Variants in ATRNL1 observed in about 807,000 individuals in gnomAD.
ATRNL1 encodes the protein attractin like 1.
A neutral mutation model predicts 182.7 loss-of-function variants in ATRNL1; 95 were observed. The observed-to-expected ratio is 0.52, with a 90% CI of 0.44 to 0.62. The LOEUF (loss-of-function observed/expected upper bound fraction) is 0.62, where lower values mean the gene tolerates loss of function less well. Ranked by LOEUF, ATRNL1 falls within the 20% of genes least tolerant of loss-of-function variation. ATRNL1 has a pLI of 0.00. For synonymous variants in ATRNL1, 576 were observed against 568.3 expected (o/e 1.01, Z -0.19); for missense variants, 1,471 against 1,679.5 (o/e 0.88, Z 2.17).
intron 19 of ATRNL1, among the ~76,000 whole-genome samples, chr10:115,338,366 G>A (rs372374417): frequency 2.6e-4 from 39 of 152,148 alleles, no homozygotes; most frequent in African/African-American, 8.4e-4. Flanking sequence ...TGTGTACAAG[G>A]GTTCTGTTTT....
intron 8 of ATRNL1, among the ~76,000 whole-genome samples, chr10:115,189,034 C>G (rs1398185284): frequency 6.6e-6 from 1 of 152,008 alleles, no homozygotes; most frequent in Non-Finnish European, 1.5e-5. Flanking sequence ...TACAGTTATG[C>G]CATGCACAAT....
intron 25 of ATRNL1, among the ~76,000 whole-genome samples, chr10:115,525,015 C>T (rs782539404): frequency 2.6e-5 from 4 of 152,078 alleles, no homozygotes; most frequent in Non-Finnish European, 5.9e-5. Context: ...TTTCAGGGAT[C>T]ATTTTACCCA....
At chr10:115,773,860 C>T (rs1264763843) in intron 27 of ATRNL1, among the ~76,000 whole-genome samples, 1 of 152,138 alleles carries the variant, frequency 6.6e-6, no homozygotes, top group African/African-American at 2.4e-5. Context: ...GGAGGCTTTG[C>T]AAATCACTAA....
intron 20 of ATRNL1, among the ~76,000 whole-genome samples, chr10:115,402,564 A>G (rs2134307549): frequency 6.6e-6 from 1 of 152,326 alleles, no homozygotes; most frequent in African/African-American, 2.4e-5. Context: ...AAAAGTACAT[A>G]TAAATGGCAC....
intron 27 of ATRNL1, among the ~76,000 whole-genome samples, chr10:115,772,530 T>C (rs531353027): frequency 4.6e-5 from 7 of 151,798 alleles, no homozygotes; most frequent in African/African-American, 1.4e-4. Flanking sequence ...TCATAAAAGA[T>C]TGAATATATA....
intron 17 of ATRNL1, among the ~76,000 whole-genome samples, chr10:115,303,150 A>C (rs1372968681): frequency 6.8e-6 from 1 of 148,066 alleles, no homozygotes; most frequent in Admixed American, 6.8e-5. Flanking sequence ...TATACTTTTC[A>C]GGGGCCCAGT....
intron 3 of ATRNL1, among the ~76,000 whole-genome samples, chr10:115,127,123 A>G (rs1469220822): frequency 2.0e-5 from 3 of 152,210 alleles, no homozygotes; most frequent in Admixed American, 2.0e-4. Context: ...TTGGAAATGT[A>G]CAGCTATAAC....
intron 26 of ATRNL1, among the ~76,000 whole-genome samples, chr10:115,611,188 G>A (rs1857138667): frequency 6.6e-6 from 1 of 151,740 alleles, no homozygotes; most frequent in South Asian, 2.1e-4. Flanking sequence ...TAAACAAGCA[G>A]AATAATACAT....
intron 26 of ATRNL1, among the ~76,000 whole-genome samples, chr10:115,705,005 C>G (rs910841814): frequency 6.6e-6 from 1 of 151,818 alleles, no homozygotes; most frequent in African/African-American, 2.4e-5. Flanking sequence ...TATGAGACAG[C>G]CCTCCTCTTT....
chr10:115,939,748 G>A (rs1375734001), intron 28 of ATRNL1, among the ~76,000 whole-genome samples: 2 of 152,074 alleles, frequency 1.3e-5, no homozygotes, highest in Non-Finnish European at 2.9e-5. Flanking sequence ...GATTTTAATG[G>A]AACTCTAGCG....
chr10:115,279,488 C>T (rs1182516440), intron 13 of ATRNL1, among the ~76,000 whole-genome samples: 1 of 152,130 alleles, frequency 6.6e-6, no homozygotes, highest in Non-Finnish European at 1.5e-5. Context: ...TCATCTGTTG[C>T]ACACACTCTT....
At chr10:115,684,037 A>C in intron 26 of ATRNL1, among the ~76,000 whole-genome samples, 1 of 151,778 alleles carries the variant, frequency 6.6e-6, no homozygotes, top group East Asian at 1.9e-4. Flanking sequence ...TTCTAGGAAT[A>C]GTATCAGTAT....
chr10:115,713,069 TG>T (rs1947112507), intron 26 of ATRNL1, among the ~76,000 whole-genome samples: 1 of 152,080 alleles, frequency 6.6e-6, no homozygotes, highest in Admixed American at 6.6e-5. Flanking sequence ...AATCTTATTT[TG>T]CTGTGGCTGT....
intron 26 of ATRNL1, among the ~76,000 whole-genome samples, chr10:115,591,158 A>G (rs1855879190): frequency 6.6e-6 from 1 of 152,236 alleles, no homozygotes; most frequent in Non-Finnish European, 1.5e-5. Context: ...CACATACACA[A>G]AAATGCACAC....
intron 10 of ATRNL1, among the ~76,000 whole-genome samples, chr10:115,244,964 G>C (rs1850568254): frequency 6.6e-6 from 1 of 152,106 alleles, no homozygotes; most frequent in Non-Finnish European, 1.5e-5. Context: ...GCAGAAAGCA[G>C]AACAGCTGAA....
At chr10:115,884,839 C>A (rs1555109394) in intron 28 of ATRNL1, among the ~76,000 whole-genome samples, 1 of 152,150 alleles carries the variant, frequency 6.6e-6, no homozygotes, top group African/African-American at 2.4e-5. Flanking sequence ...TATAGTAATA[C>A]CAATAAGGTG....
chr10:115,907,090 G>A (rs1555114742), intron 28 of ATRNL1, among the ~76,000 whole-genome samples: 5 of 148,982 alleles, frequency 3.4e-5, no homozygotes, highest in Non-Finnish European at 7.3e-5. Context: ...AGGAATTTGA[G>A]GTCTAGAAAG....
At chr10:115,708,571 AG>A (rs1191573576) in intron 26 of ATRNL1, among the ~76,000 whole-genome samples, 1 of 151,814 alleles carries the variant, frequency 6.6e-6, no homozygotes, top group East Asian at 1.9e-4. Flanking sequence ...CATAATTTCA[AG>A]TGACATTATA....
chr10:115,742,603 A>G (rs892055833), intron 27 of ATRNL1, among the ~76,000 whole-genome samples: 1 of 152,152 alleles, frequency 6.6e-6, no homozygotes, highest in African/African-American at 2.4e-5. Flanking sequence ...TTCATTTTCT[A>G]TCTGTCATTG....
Sources: gnomAD v4.1 joint callset for allele counts (sites outside exome capture counted in the v4.1 genomes callset) on GRCh38, gnomAD v4.1.1 for gene constraint, MANE v1.5 for transcripts, NCBI Gene and HGNC (gene_info 2026-07-23, HGNC 2026-07-21) for gene names.